MFHAS1: variants seen among roughly 807,000 people sequenced by gnomAD.
MFHAS1 encodes multifunctional ROCO family signaling regulator 1, also known as malignant fibrous histiocytoma-amplified sequence 1.
Under a neutral mutation model 70.4 loss-of-function variants are expected in MFHAS1, and 50 were observed. That is an observed-to-expected ratio of 0.71 (90% CI 0.57 to 0.90). The LOEUF is 0.90. Among genes scored for constraint, MFHAS1 ranks in the 40% least tolerant of loss-of-function variants. The pLI, the probability that MFHAS1 is intolerant of heterozygous loss-of-function variation, is 0.00. For synonymous variants in MFHAS1, 952 were observed against 620.0 expected, an observed-to-expected ratio of 1.54 and a Z score of -7.96; for missense variants, 1,795 against 1,347.6, an observed-to-expected ratio of 1.33 and a Z score of -5.20.
rs574518100 is a variant in MFHAS1, at chr8:8,877,134, T to C, written c.2998+12927A>G. On this transcript the variant is annotated intron_variant, in intron 1 of 2. Coordinates refer to ENST00000276282, the MANE Select transcript of MFHAS1 (RefSeq NM_004225.3). ...AGGCAACGTGGCAAAATCCTGTCTC[T>C]ATAAAAAATATAAAAACTAACTGGG... Among the ~76,000 whole-genome samples the C allele has an allele frequency of 2.9e-3, 447 of 151,714 alleles. 6 individuals are homozygous for C. Among genetic ancestry groups the C allele is most frequent in the Non-Finnish European group, 4.2e-3 (286 of 67,884 alleles).
intron 1 of MFHAS1, among the ~76,000 whole-genome samples, chr8:8,875,731 C>T (rs1344603596): frequency 6.6e-6 from 1 of 152,134 alleles, no homozygotes; most frequent in African/African-American, 2.4e-5. Context: ...GCTGGGATTA[C>T]AGGTGCGTGC....
chr8:8,888,702 G>A (rs763484681), intron 1 of MFHAS1, among the ~76,000 whole-genome samples: 120 of 152,242 alleles, frequency 7.9e-4, no homozygotes, highest in Non-Finnish European at 1.5e-3. Context: ...GCCGGGGTTG[G>A]GGGGAATGAA....
chr8:8,867,520 C>T (rs544529247), intron 1 of MFHAS1, among the ~76,000 whole-genome samples: 4 of 151,788 alleles, frequency 2.6e-5, no homozygotes, highest in African/African-American at 7.3e-5. Flanking sequence ...TATTATTACA[C>T]GCCAATAAGC....
intron 1 of MFHAS1, among the ~76,000 whole-genome samples, chr8:8,880,069 T>C (rs1454308126): frequency 1.3e-5 from 2 of 152,220 alleles, no homozygotes; most frequent in Non-Finnish European, 2.9e-5. Flanking sequence ...TTAAATCACA[T>C]ACACCCTAGA....
At chr8:8,826,648 G>A (rs1228753325) in intron 1 of MFHAS1, among the ~76,000 whole-genome samples, 3 of 152,152 alleles carry the variant, frequency 2.0e-5, no homozygotes, top group Admixed American at 2.0e-4. Flanking sequence ...CAGGACAATC[G>A]CTTGAACCCA....
chr8:8,867,233 T>C (rs1189905993), intron 1 of MFHAS1, among the ~76,000 whole-genome samples: 1 of 152,212 alleles, frequency 6.6e-6, no homozygotes. Context: ...ACAATGGTCA[T>C]CAGCATATGC....
At chr8:8,808,470 G>C (rs564671006) in intron 1 of MFHAS1, among the ~76,000 whole-genome samples, 18 of 152,310 alleles carry the variant, frequency 1.2e-4, no homozygotes, top group Admixed American at 9.1e-4. Flanking sequence ...AAGTGTAAGA[G>C]TAGTGATGCT....
At chr8:8,801,948 G>C (rs76076298) in intron 1 of MFHAS1, among the ~76,000 whole-genome samples, 4,538 of 152,292 alleles carry the variant, frequency 0.03, 132 homozygotes, top group South Asian at 0.12. Context: ...GGAACACTTA[G>C]ACGAAGGACC....
intron 1 of MFHAS1, among the ~76,000 whole-genome samples, chr8:8,810,978 C>A (rs769329231): frequency 2.6e-5 from 4 of 152,114 alleles, no homozygotes; most frequent in African/African-American, 7.2e-5. Context: ...GGCTTGCAAT[C>A]GGACCCACAG....
intron 1 of MFHAS1, among the ~76,000 whole-genome samples, chr8:8,800,012 T>A (rs1302244688): frequency 6.6e-6 from 1 of 152,214 alleles, no homozygotes; most frequent in East Asian, 1.9e-4. Flanking sequence ...GGAACCCACT[T>A]CTGGGGCCCT....
chr8:8,793,699 G>A (rs1438336573), intron 2 of MFHAS1, among the ~76,000 whole-genome samples: 1 of 152,248 alleles, frequency 6.6e-6, no homozygotes, highest in Non-Finnish European at 1.5e-5. Context: ...TTGTGCTGCA[G>A]AGCAGGTATT....
rs192764313 is a variant in MFHAS1, at chr8:8,790,849, G to T, written c.3126-4794C>A. ...CTTTTTATGAAAGGCTACTGCAACTGGTCTTAAATGTCTTTATGTCAAAAC... is the reference window on the plus strand; with the variant it reads ...CTTTTTATGAAAGGCTACTGCAACTTGTCTTAAATGTCTTTATGTCAAAAC... On this transcript the variant is annotated intron_variant, in intron 2 of 2. Coordinates refer to ENST00000276282, the MANE Select transcript of MFHAS1 (RefSeq NM_004225.3). Among the ~76,000 whole-genome samples the T allele has an allele frequency of 2.7e-3, 406 of 152,250 alleles. 4 individuals carry two copies. Among genetic ancestry groups the T allele is most frequent in the African/African-American group, 9.0e-3 (373 of 41,542 alleles).
At chr8:8,826,470 C>A (rs912454245) in intron 1 of MFHAS1, among the ~76,000 whole-genome samples, 1 of 152,184 alleles carries the variant, frequency 6.6e-6, no homozygotes, top group Non-Finnish European at 1.5e-5. Flanking sequence ...TGGTGGCTCA[C>A]GCCTGTAATC....
chr8:8,811,610 C>T (rs1244526287), intron 1 of MFHAS1, among the ~76,000 whole-genome samples: 2 of 152,218 alleles, frequency 1.3e-5, no homozygotes, highest in South Asian at 2.1e-4. Flanking sequence ...GGGTAACTAA[C>T]GTCCACCTGA....
intron 1 of MFHAS1, among the ~76,000 whole-genome samples, chr8:8,862,930 G>A (rs1186301775): frequency 6.6e-6 from 1 of 152,112 alleles, no homozygotes; most frequent in African/African-American, 2.4e-5. Context: ...CCGTCTGAAG[G>A]TCACTAAGAG....
intron 1 of MFHAS1, among the ~76,000 whole-genome samples, chr8:8,829,564 C>T (rs1333163135): frequency 6.6e-6 from 1 of 152,132 alleles, no homozygotes; most frequent in Non-Finnish European, 1.5e-5. Context: ...ACCTGTAATC[C>T]CAGCTACTGA....
At chr8:8,806,529 T>C (rs1806294497) in intron 1 of MFHAS1, among the ~76,000 whole-genome samples, 2 of 152,226 alleles carry the variant, frequency 1.3e-5, no homozygotes, top group Admixed American at 1.3e-4. Context: ...TTGTTCTATA[T>C]CAAAGTTCTT....
intron 1 of MFHAS1, among the ~76,000 whole-genome samples, chr8:8,859,052 G>C (rs1357151691): frequency 6.6e-6 from 1 of 152,142 alleles, no homozygotes; most frequent in African/African-American, 2.4e-5. Flanking sequence ...AAAATGCTTG[G>C]TTAAACAAAG....
chr8:8,851,952 G>A (rs1404349538), intron 1 of MFHAS1, among the ~76,000 whole-genome samples: 1 of 152,082 alleles, frequency 6.6e-6, no homozygotes, highest in African/African-American at 2.4e-5. Context: ...GTGTAAATCT[G>A]AGGTCACCAG....
Sources: allele counts gnomAD v4.1 joint callset (sites outside exome capture counted in the v4.1 genomes callset), GRCh38; gene constraint gnomAD v4.1.1; transcripts MANE v1.5; gene names NCBI Gene and HGNC (gene_info 2026-07-23, HGNC 2026-07-21).